BCL2: variants seen among roughly 807,000 people sequenced by gnomAD.
BCL2 encodes BCL2 apoptosis regulator.
In BCL2, 1 loss-of-function variant was observed where a neutral mutation model predicts 14.2. That is an observed-to-expected ratio of 0.07 (90% CI 0.02 to 0.33). The LOEUF is 0.33. BCL2 is among the 10% of genes least tolerant of loss of function. The probability of loss-of-function intolerance (pLI) is 0.99; values close to 1 mark genes in which losing one functional copy is unlikely to be tolerated. For synonymous variants in BCL2, 151 were observed against 137.2 expected, an observed-to-expected ratio of 1.10 and a Z score of -0.70; for missense variants, 247 against 305.9, an observed-to-expected ratio of 0.81 and a Z score of 1.44.
At chr18:63,300,416 G>A (rs1541298) in intron 2 of BCL2, among the ~76,000 whole-genome samples, 144,620 of 150,278 alleles carry the variant, frequency 0.96, 69,661 homozygotes, top group Middle Eastern at 0.99. Flanking sequence ...CAAAAAAAAA[G>A]AGAAAAAAAC....
intron 2 of BCL2, among the ~76,000 whole-genome samples, chr18:63,295,583 G>A (rs898185748): frequency 2.0e-5 from 3 of 152,162 alleles, no homozygotes; most frequent in African/African-American, 7.2e-5. Context: ...TGAAAGCTCA[G>A]AAGAGTATAT....
At chr18:63,224,581 G>A (rs758484195) in intron 2 of BCL2, among the ~76,000 whole-genome samples, 5 of 152,218 alleles carry the variant, frequency 3.3e-5, no homozygotes, top group Non-Finnish European at 7.3e-5. Flanking sequence ...TGACACAACA[G>A]AATGAAGACA....
At chr18:63,193,265 T>C (rs547054375) in intron 2 of BCL2, among the ~76,000 whole-genome samples, 1 of 152,318 alleles carries the variant, frequency 6.6e-6, no homozygotes, top group Admixed American at 6.5e-5. Flanking sequence ...ACATTTCAAA[T>C]GATGTTTTAA....
chr18:63,262,662 T>G (rs925112789), intron 2 of BCL2, among the ~76,000 whole-genome samples: 5 of 152,150 alleles, frequency 3.3e-5, no homozygotes, highest in Non-Finnish European at 7.3e-5. Context: ...GGCCACTCAC[T>G]GCAGACTAGA....
At chr18:63,195,143 TC>T (rs1909409406) in intron 2 of BCL2, among the ~76,000 whole-genome samples, 1 of 152,174 alleles carries the variant, frequency 6.6e-6, no homozygotes, top group Non-Finnish European at 1.5e-5. Context: ...GATGGAAACC[TC>T]CCTTGCTCAC....
At chr18:63,294,160 G>C (rs1912734721) in intron 2 of BCL2, among the ~76,000 whole-genome samples, 1 of 151,860 alleles carries the variant, frequency 6.6e-6, no homozygotes, top group Non-Finnish European at 1.5e-5. Context: ...CAGTGCTGTT[G>C]TCCAGGGCAG....
At chr18:63,169,553 C>A (rs1336458958) in intron 2 of BCL2, among the ~76,000 whole-genome samples, 1 of 134,610 alleles carries the variant, frequency 7.4e-6, no homozygotes, top group African/African-American at 2.7e-5. Context: ...AATGGAGTCT[C>A]GCTCTGTCAC....
At chr18:63,212,629 C>T (rs1212618503) in intron 2 of BCL2, among the ~76,000 whole-genome samples, 4 of 152,062 alleles carry the variant, frequency 2.6e-5, no homozygotes, top group African/African-American at 9.7e-5. Flanking sequence ...GTAATCCCAG[C>T]ACTTTGGGAG....
At chr18:63,135,670 C>T (rs992842730) in intron 2 of BCL2, among the ~76,000 whole-genome samples, 5 of 152,186 alleles carry the variant, frequency 3.3e-5, no homozygotes, top group African/African-American at 1.2e-4. Context: ...CCACCATCTC[C>T]CATTGCTTCA....
At chr18:63,221,717 C>T (rs1910396510) in intron 2 of BCL2, among the ~76,000 whole-genome samples, 1 of 152,232 alleles carries the variant, frequency 6.6e-6, no homozygotes, top group Non-Finnish European at 1.5e-5. Context: ...GACTAAAGCA[C>T]TCTGCCCACT....
intron 2 of BCL2, among the ~76,000 whole-genome samples, chr18:63,184,601 G>C (rs540281478): frequency 6.6e-6 from 1 of 152,322 alleles, no homozygotes; most frequent in African/African-American, 2.4e-5. Flanking sequence ...TTTGCCTGAA[G>C]ATAAGTGCAA....
chr18:63,142,219 T>C (rs947106436), intron 2 of BCL2, among the ~76,000 whole-genome samples: 2 of 152,218 alleles, frequency 1.3e-5, no homozygotes, highest in African/African-American at 4.8e-5. Context: ...GCCTCAGACC[T>C]GGAGGAGGGT....
chr18:63,307,582 T>TA (rs1262003166), intron 2 of BCL2, among the ~76,000 whole-genome samples: 2 of 152,238 alleles, frequency 1.3e-5, no homozygotes, highest in Admixed American at 6.5e-5. Context: ...CACAAGCTGT[T>TA]ACAAAGCAGG....
chr18:63,231,447 C>G (rs1344483951), intron 2 of BCL2, among the ~76,000 whole-genome samples: 1 of 151,948 alleles, frequency 6.6e-6, no homozygotes, highest in Non-Finnish European at 1.5e-5. Flanking sequence ...AGATTGTCTA[C>G]ATAGATAATC....
chr18:63,192,278 C>A (rs576636332), intron 2 of BCL2, among the ~76,000 whole-genome samples: 1 of 152,214 alleles, frequency 6.6e-6, no homozygotes, highest in African/African-American at 2.4e-5. Context: ...GCAGAAGTCA[C>A]AAGTAGTGGA....
intron 2 of BCL2, among the ~76,000 whole-genome samples, chr18:63,269,234 G>A (rs1911930354): frequency 6.6e-6 from 1 of 152,156 alleles, no homozygotes; most frequent in South Asian, 2.1e-4. Context: ...GATTATAGGT[G>A]TGACCCACCA....
intron 2 of BCL2, among the ~76,000 whole-genome samples, chr18:63,174,820 CAAAAA>C (rs953107518): frequency 2.8e-5 from 2 of 72,280 alleles, no homozygotes; most frequent in African/African-American, 4.5e-5. Context: ...GACTTTGTCT[CAAAAA>C]AAAAAAAAAA....
chr18:63,269,445 C>T (rs1023298972), intron 2 of BCL2, among the ~76,000 whole-genome samples: 1 of 151,796 alleles, frequency 6.6e-6, no homozygotes, highest in Non-Finnish European at 1.5e-5. Context: ...TGTTGAGGGA[C>T]GTGGGATCAT....
intron 2 of BCL2, among the ~76,000 whole-genome samples, chr18:63,201,519 T>C (rs1380906762): frequency 1.3e-5 from 2 of 152,206 alleles, no homozygotes; most frequent in Non-Finnish European, 2.9e-5. Flanking sequence ...TAGAAGGATT[T>C]ATGCACATGT....
Sources: allele counts gnomAD v4.1 joint callset (sites outside exome capture counted in the v4.1 genomes callset), GRCh38; gene constraint gnomAD v4.1.1; transcripts MANE v1.5; gene names NCBI Gene and HGNC (gene_info 2026-07-23, HGNC 2026-07-21).